NAA15: variants seen among roughly 807,000 people sequenced by gnomAD.
NAA15 encodes N-alpha-acetyltransferase 15, NatA auxiliary subunit, also known as N-terminal acetyltransferase.
A neutral mutation model predicts 114.0 loss-of-function variants in NAA15; 34 were observed. The observed-to-expected ratio is 0.30, with a 90% CI of 0.23 to 0.40. NAA15 has a LOEUF of 0.40. Among genes scored for constraint, NAA15 ranks in the 10% least tolerant of loss-of-function variants. The pLI is 1.00. For missense variants in NAA15, 658 were observed against 1,004.5 expected (o/e 0.66, Z 4.66); for synonymous variants, 340 against 338.0 (o/e 1.01, Z -0.06).
At chr4:139,351,988 T>C (rs149937630) in intron 9 of NAA15, among the ~76,000 whole-genome samples, 1 of 152,158 alleles carries the variant, frequency 6.6e-6, no homozygotes, top group African/African-American at 2.4e-5. Flanking sequence ...TTCTTTCTCC[T>C]TTTTAAATTT....
intron 1 of NAA15, among the ~76,000 whole-genome samples, chr4:139,324,162 A>T (rs1207377516): frequency 6.6e-6 from 1 of 152,208 alleles, no homozygotes; most frequent in Non-Finnish European, 1.5e-5. Flanking sequence ...AGTTACAGGC[A>T]TGAGTCCAGC....
At chr4:139,343,953 C>A (rs1257395940) in intron 5 of NAA15, among the ~76,000 whole-genome samples, 1 of 152,068 alleles carries the variant, frequency 6.6e-6, no homozygotes, top group African/African-American at 2.4e-5. Flanking sequence ...TCCCTTCTTC[C>A]CCATATTTAT....
chr4:139,347,650 A>G (rs1398366486), intron 6 of NAA15, among the ~76,000 whole-genome samples: 1 of 152,212 alleles, frequency 6.6e-6, no homozygotes, highest in Non-Finnish European at 1.5e-5. Context: ...TTCAAAAAGA[A>G]AGAATGAATG....
chr4:139,351,625 T>C lies in NAA15; in HGVS notation c.1014+14T>C, dbSNP rs1383498354. ...GACAAAGAAAAGGTAAAGTGAAATA[T>C]GATACTTTCTTTTGGCTACCATTTC... On this transcript the variant is annotated intron_variant, in intron 9 of 19. Coordinates refer to ENST00000296543, the MANE Select transcript of NAA15 (RefSeq NM_057175.5). 1.5e-6 allele frequency: 2 copies of C among 1,291,406 alleles called. No homozygotes were observed. Among genetic ancestry groups the C allele is most frequent in the South Asian group, 1.2e-5 (1 of 82,580 alleles). 80.0% of individuals were successfully genotyped at this position (1,291,406 alleles called of 1,614,324 possible).
intron 1 of NAA15, 63 bp from the exon 2 acceptor site, chr4:139,334,111 C>A: frequency 4.2e-6 from 4 of 942,232 alleles, no homozygotes; most frequent in Admixed American, 2.3e-5. Flanking sequence ...AGAAATTTAG[C>A]GTTGAATTTA....
chr4:139,340,515 A>G (rs1410253658), intron 3 of NAA15, among the ~76,000 whole-genome samples: 2 of 152,128 alleles, frequency 1.3e-5, no homozygotes, highest in Non-Finnish European at 2.9e-5. Flanking sequence ...TCCTTTTACT[A>G]TTAATAATAT....
Position 139,390,555 on chromosome 4 carries a change from G to C in NAA15, c.*2471G>C, listed in dbSNP as rs1414302853. On this transcript the variant is annotated 3_prime_UTR_variant, in exon 20 of 20. Coordinates refer to ENST00000296543, the MANE Select transcript of NAA15 (RefSeq NM_057175.5). ...TGCCTTATGTTTATTGCTAAGAACT[G>C]GTGTTACCAACCCTTTTGAGAAGAA... is the stretch of plus-strand genomic sequence containing the variant. The C allele has an allele frequency of 6.6e-6, 1 of 152,614 alleles. No homozygotes were observed. The highest frequency in any genetic ancestry group is 1.5e-5 in the Non-Finnish European group (1 of 68,034). 9.5% of individuals were successfully genotyped at this position (152,614 alleles called of 1,614,324 possible). A position where few individuals can be genotyped will look rare whatever the true frequency, so the allele number is the denominator to read the frequency against.
chr4:139,325,048 T>C (rs1746747850), intron 1 of NAA15, among the ~76,000 whole-genome samples: 1 of 152,210 alleles, frequency 6.6e-6, no homozygotes, highest in Non-Finnish European at 1.5e-5. Context: ...AAAACTCAGT[T>C]ACTGTTCTAA....
intron 3 of NAA15, among the ~76,000 whole-genome samples, chr4:139,337,705 G>A (rs1250553812): frequency 2.0e-5 from 3 of 152,162 alleles, no homozygotes; most frequent in African/African-American, 7.2e-5. Flanking sequence ...TTTAAGTGCT[G>A]AAACAATTAG....
At chr4:139,344,628 C>T (rs1202868933) in intron 6 of NAA15, among the ~76,000 whole-genome samples, 2 of 152,000 alleles carry the variant, frequency 1.3e-5, no homozygotes, top group East Asian at 3.8e-4. Flanking sequence ...GGAATTTGAT[C>T]AAAACACAAG....
intron 19 of NAA15, chr4:139,386,517 T>C (rs1748913412): frequency 4.4e-6 from 1 of 228,010 alleles, no homozygotes; most frequent in Non-Finnish European, 8.6e-6. Context: ...GTGGTCTCAG[T>C]GGAGATTCTA....
chr4:139,332,625 C>G (rs1747059812), intron 1 of NAA15, among the ~76,000 whole-genome samples: 1 of 125,828 alleles, frequency 7.9e-6, no homozygotes, highest in Non-Finnish European at 1.6e-5. Context: ...CTCTGTTGCC[C>G]AGGCTGGAGT....
chr4:139,359,795 T>C lies in NAA15; in HGVS notation c.1310T>C (p.Leu437Ser). 1 of 1,608,686 alleles carries C rather than the reference T, an allele frequency of 6.2e-7. No homozygotes were observed. Among genetic ancestry groups the C allele is most frequent in the Non-Finnish European group, 8.5e-7 (1 of 1,179,018 alleles). Residue 437 changes from leucine to serine, a missense_variant, in exon 12 of 20, where the codon TTG (leucine) becomes TCG (serine). By Grantham distance (145) the Leu-to-Ser change is moderately radical. Coordinates refer to ENST00000296543, the MANE Select transcript of NAA15 (RefSeq NM_057175.5). ...AARWMDEAQA[L>S]DTADRFINSK... ...AGGTGGATGGATGAGGCCCAGGCCT[T>C]GGACACAGCAGACAGATTTATCAAC...
intron 1 of NAA15, among the ~76,000 whole-genome samples, chr4:139,322,958 TG>T (rs1746670296): frequency 6.6e-6 from 1 of 151,826 alleles, no homozygotes; most frequent in Non-Finnish European, 1.5e-5. Flanking sequence ...CCCCAATAGC[TG>T]GGATTGCAGG....
chr4:139,311,633 G>C (rs1023217805), intron 1 of NAA15, among the ~76,000 whole-genome samples: 10 of 151,838 alleles, frequency 6.6e-5, no homozygotes, highest in Non-Finnish European at 1.3e-4. Flanking sequence ...ATGGTATCAG[G>C]ATTAAATGAG....
At chr4:139,364,108 T>G (rs894792468) in intron 14 of NAA15, among the ~76,000 whole-genome samples, 38 of 152,226 alleles carry the variant, frequency 2.5e-4, no homozygotes, top group Admixed American at 1.3e-4. Flanking sequence ...GCCCCTTGGC[T>G]CAAGTGATTC....
intron 14 of NAA15, among the ~76,000 whole-genome samples, chr4:139,363,810 G>A (rs559818856): frequency 6.6e-6 from 1 of 152,070 alleles, no homozygotes; most frequent in Non-Finnish European, 1.5e-5. Flanking sequence ...AGCTCTGAAG[G>A]TTATTGTTCT....
intron 1 of NAA15, among the ~76,000 whole-genome samples, chr4:139,305,834 G>A (rs761332193): frequency 6.6e-6 from 1 of 152,078 alleles, no homozygotes; most frequent in African/African-American, 2.4e-5. Flanking sequence ...GCTCCTGGCT[G>A]CTTGGTAACT....
rs1748971857 is a variant in NAA15 at position 139,388,644 on chromosome 4, A to T, written c.*560A>T. 1 of 153,152 alleles carries T rather than the reference A, an allele frequency of 6.5e-6. No homozygotes were observed. The highest frequency in any genetic ancestry group is 1.5e-5 in the Non-Finnish European group (1 of 68,604). 9.5% of individuals were successfully genotyped at this position (153,152 alleles called of 1,614,324 possible). Reference sequence around the variant, plus strand: ...CTTGATGTTGTAGAAACTGGGACATATAGATACCAAGCAAAATTATAAGAA... The same window carrying T: ...CTTGATGTTGTAGAAACTGGGACATTTAGATACCAAGCAAAATTATAAGAA... On this transcript the variant is annotated 3_prime_UTR_variant, in exon 20 of 20. Coordinates refer to ENST00000296543, the MANE Select transcript of NAA15 (RefSeq NM_057175.5).
Sources: allele counts gnomAD v4.1 joint callset (sites outside exome capture counted in the v4.1 genomes callset), GRCh38; gene constraint gnomAD v4.1.1; transcripts MANE v1.5; gene names NCBI Gene and HGNC (gene_info 2026-07-23, HGNC 2026-07-21).